FLT3LG: variants seen among roughly 807,000 people sequenced by gnomAD.
The protein encoded by FLT3LG is fms related receptor tyrosine kinase 3 ligand.
A neutral mutation model predicts 30.9 loss-of-function variants in FLT3LG; 8 were observed. That is an observed-to-expected ratio of 0.26 (90% CI 0.15 to 0.47). The LOEUF is 0.47. Ranked by LOEUF, FLT3LG falls within the 20% of genes least tolerant of loss-of-function variation. FLT3LG has a pLI of 0.99. For missense variants in FLT3LG, 278 were observed against 306.2 expected, an observed-to-expected ratio of 0.91 and a Z score of 0.69; for synonymous variants, 123 against 135.9, an observed-to-expected ratio of 0.91 and a Z score of 0.66.
rs895706552 is a variant in FLT3LG at position 49,480,496 on chromosome 19, G to A, written c.660+20G>A. The A allele has an allele frequency of 5.6e-6, 9 of 1,596,526 alleles. No homozygotes were observed. Among genetic ancestry groups the A allele is most frequent in the Middle Eastern group, 1.8e-4 (1 of 5,638 alleles). ...GAGCAGGTGAGCAGGCTGGGAAGAG[G>A]GGGTGAGGGGGCCGAGAGGGTGGCC... On this transcript the variant is annotated intron_variant, in intron 7 of 8. Coordinates refer to ENST00000597551, the MANE Select transcript of FLT3LG (RefSeq NM_001459.4).
At position 49,476,726 on chromosome 19, in the gene FLT3LG, C is replaced by A; in HGVS notation, c.342+160C>A. 3.2e-6 allele frequency: 3 copies of A among 929,738 alleles called. No individual in the cohort carries two copies. In the Admixed American group the frequency reaches 8.3e-5, roughly 26 times the overall value. 57.6% of individuals were successfully genotyped at this position (929,738 alleles called of 1,614,324 possible). On this transcript the variant is annotated intron_variant, in intron 5 of 8. Coordinates refer to ENST00000597551, the MANE Select transcript of FLT3LG (RefSeq NM_001459.4). The surrounding 1 kb of genome is among the most constrained non-coding windows in gnomAD (Gnocchi z 5.3). ...GCAGAGCCCTGTTCCTACAGAACAA[C>A]ACGTCCCCAGGCACCGGTGATGGGG...
intron 5 of FLT3LG, among the ~76,000 whole-genome samples, chr19:49,477,800 C>G (rs551693321): frequency 1.3e-5 from 2 of 151,678 alleles, no homozygotes; most frequent in Non-Finnish European, 2.9e-5. Context: ...GTAATCCCAG[C>G]ACTTTGGGAG....
chr19:49,476,280 G>T lies in FLT3LG; in HGVS notation c.198+82G>T. On this transcript the variant is annotated intron_variant, in intron 4 of 8. Coordinates refer to ENST00000597551, the MANE Select transcript of FLT3LG (RefSeq NM_001459.4). The surrounding 1 kb of genome is among the most constrained non-coding windows in gnomAD (Gnocchi z 5.3). The stretch of plus-strand genomic sequence containing the variant: ...TCCACCGAGGCGAGTGGATAACCAG[G>T]CCCTCCCCTCCCCAAACCCAGGAAT... 1 of 1,447,960 alleles carries T rather than the reference G, an allele frequency of 6.9e-7. No homozygotes were observed. The highest frequency in any genetic ancestry group is 9.6e-7 in the Non-Finnish European group (1 of 1,036,426). The allele number at this position is 1,447,960 out of a possible 1,614,324, so 89.7% of individuals were successfully genotyped here. A position where few individuals can be genotyped will look rare whatever the true frequency, so the allele number is the denominator to read the frequency against.
At chr19:49,481,695 GCTTT>G (rs1379995053) in intron 8 of FLT3LG, 1 of 152,168 alleles carries the variant, frequency 6.6e-6, no homozygotes, top group Non-Finnish European at 1.5e-5. Flanking sequence ...TGGCTTGCTT[GCTTT>G]ATTTTTTTTT....
intron 1 of FLT3LG, 28 bp from the exon 2 acceptor site, chr19:49,474,575 C>A: frequency 6.4e-7 from 1 of 1,562,518 alleles, no homozygotes; most frequent in East Asian, 2.3e-5. Flanking sequence ...CATGAGGGTC[C>A]GAGACTTGTT....
chr19:49,475,324 A>C (rs1310720397), intron 2 of FLT3LG, among the ~76,000 whole-genome samples: 1 of 151,952 alleles, frequency 6.6e-6, no homozygotes, highest in African/African-American at 2.4e-5. Context: ...GACGTGGACC[A>C]AGATCAAGAG....
At chr19:49,474,753 G>C in intron 2 of FLT3LG, 81 bp downstream of exon 2, 4 of 1,455,010 alleles carry the variant, frequency 2.7e-6, no homozygotes. Context: ...GAGATGGACG[G>C]GAGAACAGAT....
chr19:49,474,834 C>A (rs1157794903), intron 2 of FLT3LG, among the ~76,000 whole-genome samples, 162 bp downstream of exon 2: 11 of 117,286 alleles, frequency 9.4e-5, no homozygotes, highest in African/African-American at 3.4e-4. Context: ...AGGAGACGGA[C>A]AGAGGAGGGG....
Position 49,479,102 on chromosome 19 carries a change from T to A in FLT3LG, c.481+55T>A. On this transcript the variant is annotated intron_variant, in intron 6 of 8. Coordinates refer to ENST00000597551, the MANE Select transcript of FLT3LG (RefSeq NM_001459.4). ...CCCCTCCTGTCCTCACGGCCGCTCC[T>A]CCTCTCTGCACAGTGCATCCCAGAC... is the stretch of plus-strand genomic sequence containing the variant. 1.9e-6 allele frequency: 3 copies of A among 1,538,770 alleles called. No individual in the cohort carries two copies. In the Admixed American group the frequency reaches 5.5e-5, roughly 28 times the overall value.
Position 49,476,008 on chromosome 19 carries a change from A to G in FLT3LG, c.145-137A>G. The G allele has an allele frequency of 9.1e-7, 1 of 1,101,958 alleles. No homozygotes were observed. Among genetic ancestry groups the G allele is most frequent in the Non-Finnish European group, 1.4e-6 (1 of 729,290 alleles). The allele number at this position is 1,101,958 out of a possible 1,614,324, so 68.3% of individuals were successfully genotyped here. A position where few individuals can be genotyped will look rare whatever the true frequency, so the allele number is the denominator to read the frequency against. ...GGGGTGTCATCCCTTTTTAAGGGCA[A>G]GGTTCTGTGGCTTCTTCTGGGCTCC... On this transcript the variant is annotated intron_variant, in intron 3 of 8. Coordinates refer to ENST00000597551, the MANE Select transcript of FLT3LG (RefSeq NM_001459.4). The surrounding 1 kb of genome is among the most constrained non-coding windows in gnomAD (Gnocchi z 5.3).
intron 2 of FLT3LG, among the ~76,000 whole-genome samples, 181 bp downstream of exon 2, chr19:49,474,853 CAG>C: frequency 9.6e-6 from 1 of 104,650 alleles, no homozygotes; most frequent in Non-Finnish European, 1.9e-5. Context: ...GGGAGATGGA[CAG>C]AGGATGGGGA....
chr19:49,475,619 A>T, intron 2 of FLT3LG, 72 bp from the exon 3 acceptor site: 1 of 1,547,406 alleles, frequency 6.5e-7, no homozygotes, highest in South Asian at 1.2e-5. Flanking sequence ...AGAACAGTAC[A>T]GGTGGGAAGC....
rs2079382503 is a variant in FLT3LG at position 49,476,035 on chromosome 19, CCT to C, written c.145-105_145-104del. 1 of 1,277,838 alleles carries C rather than the reference CCT, an allele frequency of 7.8e-7. No individual in the cohort carries two copies. The highest frequency in any genetic ancestry group is 1.2e-5 in the South Asian group (1 of 83,918). 79.2% of individuals were successfully genotyped at this position (1,277,838 alleles called of 1,614,324 possible). ...GTTCTGTGGCTTCTTCTGGGCTCCCCCTCTCTTGGTCTTGTCCCTCTCTCTCT... is the reference window on the plus strand; with the variant it reads ...GTTCTGTGGCTTCTTCTGGGCTCCCCCTCTTGGTCTTGTCCCTCTCTCTCT... On this transcript the variant is annotated intron_variant, in intron 3 of 8. Coordinates refer to ENST00000597551, the MANE Select transcript of FLT3LG (RefSeq NM_001459.4). This position sits in a 1 kb window ranked among gnomAD's most constrained non-coding sequence, Gnocchi z 5.3.
Position 49,476,349 on chromosome 19 carries a change from C to T in FLT3LG, c.199-74C>T. ...CTCCCTCAGACCCAGGAGCCCCGGC[C>T]CAGCCCCTCCTCCCTCAGACCCAGC... On this transcript the variant is annotated intron_variant, in intron 4 of 8. Transcript: ENST00000597551. The surrounding 1 kb of genome is among the most constrained non-coding windows in gnomAD (Gnocchi z 5.3). The T allele has an allele frequency of 6.5e-7, 1 of 1,540,532 alleles. No homozygotes were observed. Among genetic ancestry groups the T allele is most frequent in the Non-Finnish European group, 8.9e-7 (1 of 1,125,486 alleles).
intron 8 of FLT3LG, among the ~76,000 whole-genome samples, chr19:49,482,667 C>G (rs2079653820): frequency 6.7e-6 from 1 of 150,314 alleles, no homozygotes; most frequent in Non-Finnish European, 1.5e-5. Context: ...CTCACTCTGT[C>G]GCCAGGTTGA....
At chr19:49,477,779 G>A (rs1269117639) in intron 5 of FLT3LG, among the ~76,000 whole-genome samples, 1 of 152,078 alleles carries the variant, frequency 6.6e-6, no homozygotes, top group Non-Finnish European at 1.5e-5. Flanking sequence ...TGGGTACAGT[G>A]GCTCACGCCT....
chr19:49,474,740 G>A, intron 2 of FLT3LG, 68 bp downstream of exon 2: 1 of 1,528,014 alleles, frequency 6.5e-7, no homozygotes, highest in Non-Finnish European at 9.0e-7. Flanking sequence ...GCAGAGATGA[G>A]GGGAGATGGA....
At position 49,480,416 on chromosome 19, in the gene FLT3LG, C is replaced by CTGGCT. The variant is rs755084582; in HGVS notation, c.600_601insTGGCT (p.Ala201TrpfsTer49). ...TGCCCGTGGGCCTCCTGCTGCTGGC[C>CTGGCT]GCTGCCTGGTGCCTGCACTGGCAGA... On this transcript the variant is annotated frameshift_variant, in exon 7 of 9. Coordinates refer to ENST00000597551, the MANE Select transcript of FLT3LG (RefSeq NM_001459.4). LOFTEE classifies it high-confidence loss of function. 1.2e-6 allele frequency: 2 copies of CTGGCT among 1,605,116 alleles called. No individual in the cohort carries two copies. Among genetic ancestry groups the CTGGCT allele is most frequent in the Non-Finnish European group, 1.7e-6 (2 of 1,176,310 alleles).
intron 8 of FLT3LG, 95 bp downstream of exon 8, chr19:49,480,715 C>A: frequency 2.3e-6 from 3 of 1,310,100 alleles, no homozygotes; most frequent in African/African-American, 1.5e-5. Flanking sequence ...AGTGGAGGGG[C>A]AGGGGCAGCT....
Sources: allele counts gnomAD v4.1 joint callset (sites outside exome capture counted in the v4.1 genomes callset), GRCh38; gene constraint gnomAD v4.1.1; non-coding constraint Gnocchi (gnomAD v3.1); transcripts MANE v1.5; gene names NCBI Gene and HGNC (gene_info 2026-07-23, HGNC 2026-07-21).